SPAG16: variants seen among roughly 807,000 people sequenced by gnomAD.
The protein encoded by SPAG16 is sperm associated antigen 16.
In SPAG16, 86 loss-of-function variants were observed where a neutral mutation model predicts 80.4. That is an observed-to-expected ratio of 1.07 (90% CI 0.90 to 1.28). SPAG16 has a LOEUF of 1.28. Among genes scored for constraint, SPAG16 ranks in the 50% most tolerant of loss-of-function variants. The pLI is 0.00. For missense variants in SPAG16, 870 were observed against 765.3 expected (o/e 1.14, Z -1.61); for synonymous variants, 294 against 265.9 (o/e 1.11, Z -1.03).
intron 5 of SPAG16, among the ~76,000 whole-genome samples, chr2:213,325,555 C>T (rs1273297624): frequency 2.6e-5 from 4 of 151,704 alleles, no homozygotes; most frequent in Admixed American, 6.6e-5. Context: ...TCCACAGACA[C>T]GGGTGATGTA....
chr2:213,783,392 T>C (rs1250755010), intron 10 of SPAG16, among the ~76,000 whole-genome samples: 1 of 150,806 alleles, frequency 6.6e-6, no homozygotes, highest in East Asian at 2.0e-4. Context: ...ATATATACCA[T>C]GAGTTATACA....
intron 12 of SPAG16, among the ~76,000 whole-genome samples, chr2:213,978,684 G>T (rs1258867195): frequency 6.6e-6 from 1 of 152,118 alleles, no homozygotes; most frequent in Non-Finnish European, 1.5e-5. Context: ...AGCTGAGCTA[G>T]GTGCTGCTGG....
At chr2:214,196,854 A>G (rs895936142) in intron 15 of SPAG16, among the ~76,000 whole-genome samples, 7 of 152,070 alleles carry the variant, frequency 4.6e-5, no homozygotes, top group Non-Finnish European at 7.4e-5. Context: ...ATAATCCATC[A>G]AAACCACAGA....
intron 15 of SPAG16, among the ~76,000 whole-genome samples, chr2:214,360,095 C>T (rs1158309745): frequency 6.6e-6 from 1 of 151,768 alleles, no homozygotes; most frequent in Admixed American, 6.6e-5. Flanking sequence ...TACAAATCAC[C>T]ACAATTGTGT....
chr2:213,417,093 A>G (rs904599061), intron 9 of SPAG16, among the ~76,000 whole-genome samples: 1 of 152,118 alleles, frequency 6.6e-6, no homozygotes, highest in Non-Finnish European at 1.5e-5. Flanking sequence ...AAAGCTCTGG[A>G]TTGGTTAGTT....
intron 12 of SPAG16, among the ~76,000 whole-genome samples, chr2:213,954,279 T>A (rs72950750): frequency 0.15 from 22,417 of 152,010 alleles, 2,046 homozygotes; most frequent in Non-Finnish European, 0.21. Context: ...AATGGAATCA[T>A]ATAATATGCA....
intron 11 of SPAG16, among the ~76,000 whole-genome samples, chr2:213,910,384 C>A (rs552545143): frequency 6.6e-6 from 1 of 150,956 alleles, no homozygotes; most frequent in East Asian, 1.9e-4. Flanking sequence ...TTTCAGCAAA[C>A]AAAACAAAAC....
intron 10 of SPAG16, among the ~76,000 whole-genome samples, chr2:213,785,817 G>C (rs925179794): frequency 2.0e-5 from 3 of 152,022 alleles, no homozygotes; most frequent in Non-Finnish European, 4.4e-5. Flanking sequence ...GAACATCCTG[G>C]CCAACATGGT....
chr2:213,344,891 T>C (rs2064888103), intron 6 of SPAG16, among the ~76,000 whole-genome samples: 1 of 152,248 alleles, frequency 6.6e-6, no homozygotes, highest in Non-Finnish European at 1.5e-5. Flanking sequence ...TTTGGGTATA[T>C]ACCCAGTAAT....
chr2:214,300,842 T>C (rs1477806519), intron 15 of SPAG16, among the ~76,000 whole-genome samples: 1 of 151,812 alleles, frequency 6.6e-6, no homozygotes, highest in African/African-American at 2.4e-5. Flanking sequence ...TACAAAGAGC[T>C]GACACAAGTC....
chr2:214,309,617 AG>A (rs1695146898), intron 15 of SPAG16, among the ~76,000 whole-genome samples: 1 of 151,946 alleles, frequency 6.6e-6, no homozygotes, highest in African/African-American at 2.4e-5. Context: ...TTGTGTTATA[AG>A]GTGGAGTCAG....
chr2:214,027,304 A>G (rs1448274348), intron 13 of SPAG16, among the ~76,000 whole-genome samples: 1 of 151,536 alleles, frequency 6.6e-6, no homozygotes, highest in Non-Finnish European at 1.5e-5. Context: ...TTTAAATATT[A>G]TTGTATAAGC....
At chr2:213,569,866 G>A (rs1233815913) in intron 10 of SPAG16, among the ~76,000 whole-genome samples, 11 of 135,326 alleles carry the variant, frequency 8.1e-5, no homozygotes, top group African/African-American at 2.7e-4. Context: ...ATCTGGTCCT[G>A]GACTCTTTTT....
intron 15 of SPAG16, among the ~76,000 whole-genome samples, chr2:214,213,273 AT>A (rs967753173): frequency 4.6e-5 from 7 of 152,166 alleles, no homozygotes; most frequent in African/African-American, 1.4e-4. Context: ...TTATCCACTT[AT>A]CCCCACCCCT....
chr2:213,480,646 G>C (rs1429716437), intron 9 of SPAG16, among the ~76,000 whole-genome samples: 2 of 152,208 alleles, frequency 1.3e-5, no homozygotes. Context: ...AGTATTGACA[G>C]AAGTGATCAC....
chr2:214,237,050 A>G (rs1559147143), intron 15 of SPAG16, among the ~76,000 whole-genome samples: 3 of 152,216 alleles, frequency 2.0e-5, no homozygotes, highest in Non-Finnish European at 4.4e-5. Context: ...GTGGAATATT[A>G]TTTTAAGCAC....
At chr2:213,776,198 A>C (rs1249268348) in intron 10 of SPAG16, among the ~76,000 whole-genome samples, 1 of 152,242 alleles carries the variant, frequency 6.6e-6, no homozygotes, top group Non-Finnish European at 1.5e-5. Context: ...TGTAGAGATT[A>C]TCCTGGATTA....
chr2:213,578,263 A>G lies in SPAG16; in HGVS notation c.1070+88173A>G, dbSNP rs187564859. Among the ~76,000 whole-genome samples, 129 of 152,240 alleles carry G rather than the reference A, an allele frequency of 8.5e-4. 1 individual carries two copies. The highest frequency in any genetic ancestry group is 1.2e-3 in the Non-Finnish European group (82 of 68,004). ...TCAAAGATCTTGATATAATTTCAAT[A>G]TTGATGATTTAAGTTGTTTCAGACA... On this transcript the variant is annotated intron_variant, in intron 10 of 15. Transcript: ENST00000331683.
chr2:213,768,026 G>A (rs1429438966), intron 10 of SPAG16, among the ~76,000 whole-genome samples: 1 of 152,042 alleles, frequency 6.6e-6, no homozygotes. Context: ...GGCAATGGTG[G>A]GTAAGTTTGA....
Sources: gnomAD v4.1 joint callset for allele counts (sites outside exome capture counted in the v4.1 genomes callset) on GRCh38, gnomAD v4.1.1 for gene constraint, MANE v1.5 for transcripts, NCBI Gene and HGNC (gene_info 2026-07-23, HGNC 2026-07-21) for gene names.